Variants in ARL5B observed in about 807,000 individuals in gnomAD.
ARL5B encodes ADP-ribosylation factor-like protein 5B.
A neutral mutation model predicts 26.9 loss-of-function variants in ARL5B; 10 were observed. The ratio of observed to expected loss-of-function variants is 0.37; its 90% confidence interval spans 0.23 to 0.63. The LOEUF (loss-of-function observed/expected upper bound fraction) is 0.63, where lower values mean the gene tolerates loss of function less well. Ranked by LOEUF, ARL5B falls within the 30% of genes least tolerant of loss-of-function variation. The pLI is 0.62. For synonymous variants in ARL5B, 87 were observed against 70.4 expected (o/e 1.24, Z -1.18); for missense variants, 167 against 213.9 (o/e 0.78, Z 1.37).
intron 1 of ARL5B, among the ~76,000 whole-genome samples, chr10:18,663,076 T>C (rs932063155): frequency 2.6e-5 from 4 of 152,156 alleles, no homozygotes; most frequent in Admixed American, 2.6e-4. Flanking sequence ...TCCTGTGATC[T>C]CAGCTCACTG....
Position 18,675,157 on chromosome 10 carries a change from C to A in ARL5B, c.492-11C>A, listed in dbSNP as rs367580963. Reference sequence around the variant, plus strand: ...GGTTTTTAATTAAAAATACTTCTATCTTTTGTTTAGGTTATGCCAAGGTCT... The same window carrying A: ...GGTTTTTAATTAAAAATACTTCTATATTTTGTTTAGGTTATGCCAAGGTCT... On this transcript the variant is annotated splice_polypyrimidine_tract_variant and intron_variant, in intron 5 of 5. Coordinates refer to ENST00000377275, the MANE Select transcript of ARL5B (RefSeq NM_178815.5). The A allele has an allele frequency of 4.4e-5, 71 of 1,611,160 alleles. 1 individual carries two copies. In the South Asian group the frequency reaches 5.5e-4, roughly 12 times the overall value.
intron 4 of ARL5B, among the ~76,000 whole-genome samples, chr10:18,673,097 C>G (rs1483613182): frequency 6.6e-6 from 1 of 151,414 alleles, no homozygotes; most frequent in Non-Finnish European, 1.5e-5. Flanking sequence ...GAGTCTTGCT[C>G]TGTTGCCCAG....
At chr10:18,674,218 C>A in intron 5 of ARL5B, 83 bp downstream of exon 5, 2 of 1,299,320 alleles carry the variant, frequency 1.5e-6, no homozygotes, top group South Asian at 1.6e-5. Flanking sequence ...CTTCATGGGT[C>A]CTGTTCCTTT....
chr10:18,669,248 T>A (rs2059875912), intron 3 of ARL5B, among the ~76,000 whole-genome samples: 1 of 152,304 alleles, frequency 6.6e-6, no homozygotes, highest in East Asian at 1.9e-4. Context: ...GTTCTCTCCA[T>A]TCATCTTCAC....
rs1038704954 is a variant in ARL5B at position 18,675,312 on chromosome 10, T to C, written c.*96T>C. ...CTAAGGCAGCAGCATGTTTAATTTA[T>C]AACAACACAAACCTCTGAGAGCAAC... On this transcript the variant is annotated 3_prime_UTR_variant, in exon 6 of 6. Transcript: ENST00000377275. 7.4e-5 allele frequency: 91 copies of C among 1,229,606 alleles called. No homozygotes were observed. Among genetic ancestry groups the C allele is most frequent in the Non-Finnish European group, 9.8e-5 (82 of 836,122 alleles). The allele number at this position is 1,229,606 out of a possible 1,614,324, so 76.2% of individuals were successfully genotyped here.
chr10:18,673,835 T>C, intron 4 of ARL5B, 149 bp from the exon 5 acceptor site: 1 of 562,952 alleles, frequency 1.8e-6, no homozygotes, highest in Non-Finnish European at 2.7e-6. Flanking sequence ...TTGGAATGAA[T>C]AATGAAATTA....
At chr10:18,662,357 AT>A (rs1412084067) in intron 1 of ARL5B, among the ~76,000 whole-genome samples, 1 of 152,194 alleles carries the variant, frequency 6.6e-6, no homozygotes, top group East Asian at 1.9e-4. Flanking sequence ...CATGCGTCTT[AT>A]AAATTAGATA....
At chr10:18,667,137 G>A (rs983718934) in intron 2 of ARL5B, among the ~76,000 whole-genome samples, 3 of 152,182 alleles carry the variant, frequency 2.0e-5, no homozygotes, top group African/African-American at 7.2e-5. Context: ...AATTTTCACA[G>A]CTCATCATTC....
intron 1 of ARL5B, among the ~76,000 whole-genome samples, chr10:18,664,161 C>T (rs1488738207): frequency 1.3e-5 from 2 of 151,646 alleles, no homozygotes; most frequent in African/African-American, 4.8e-5. Flanking sequence ...ACCAAATTAG[C>T]CAGGTTGGTC....
At chr10:18,661,373 G>A (rs2059835747) in intron 1 of ARL5B, among the ~76,000 whole-genome samples, 1 of 152,116 alleles carries the variant, frequency 6.6e-6, no homozygotes, top group East Asian at 1.9e-4. Flanking sequence ...AAAGATGTAA[G>A]GGGAAAATGT....
chr10:18,674,331 A>T (rs1170039379), intron 5 of ARL5B, among the ~76,000 whole-genome samples, 196 bp downstream of exon 5: 1 of 152,230 alleles, frequency 6.6e-6, no homozygotes, highest in Non-Finnish European at 1.5e-5. Flanking sequence ...AAAACTTTTA[A>T]TGTAAATATA....
chr10:18,662,946 G>A (rs1024458729), intron 1 of ARL5B, among the ~76,000 whole-genome samples: 5 of 151,120 alleles, frequency 3.3e-5, no homozygotes, highest in Admixed American at 2.0e-4. Context: ...CAGGTAATCC[G>A]CCCGCCTTGG....
chr10:18,659,911 T>C lies in ARL5B; in HGVS notation c.46+228T>C, dbSNP rs552900282. ...AGAGAAGGTATTTGGCGTCCCAGAA[T>C]CCAAACTGAGAATGTTTGGATATTG... On this transcript the variant is annotated intron_variant, in intron 1 of 5. Transcript: ENST00000377275. 3,364 of 985,270 alleles carry C rather than the reference T, an allele frequency of 3.4e-3. 6 individuals are homozygous for C. The highest frequency in any genetic ancestry group is 5.2e-3 in the Middle Eastern group (10 of 1,914). The allele number at this position is 985,270 out of a possible 1,614,324, so 61.0% of individuals were successfully genotyped here.
chr10:18,669,932 T>C (rs2131643346), intron 3 of ARL5B, among the ~76,000 whole-genome samples: 1 of 149,656 alleles, frequency 6.7e-6, no homozygotes, highest in East Asian at 2.0e-4. Context: ...AGGCAGAGTT[T>C]GCAGTGAGCC....
At chr10:18,669,455 A>G (rs2059876850) in intron 3 of ARL5B, among the ~76,000 whole-genome samples, 2 of 152,192 alleles carry the variant, frequency 1.3e-5, no homozygotes, top group South Asian at 2.1e-4. Flanking sequence ...TAGATTTGCA[A>G]ATCATCTCTC....
chr10:18,672,867 C>A (rs2059893942), intron 4 of ARL5B, among the ~76,000 whole-genome samples, 162 bp downstream of exon 4: 1 of 151,966 alleles, frequency 6.6e-6, no homozygotes, highest in African/African-American at 2.4e-5. Flanking sequence ...AAAAAATGTT[C>A]ATTACTTTTT....
chr10:18,660,192 C>T (rs949389790), intron 1 of ARL5B, among the ~76,000 whole-genome samples: 1 of 152,096 alleles, frequency 6.6e-6, no homozygotes, highest in African/African-American at 2.4e-5. Context: ...TATTCAGATG[C>T]ACGAGTTTTC....
rs909971426 is a variant in ARL5B, at chr10:18,679,217, G to A, written c.*4001G>A. ...AAGCCATATTGCTAAGAAAAGGATAGTAAGCTGCTTAGAAAGAACCAGCCT... is the reference window on the plus strand; with the variant it reads ...AAGCCATATTGCTAAGAAAAGGATAATAAGCTGCTTAGAAAGAACCAGCCT... On this transcript the variant is annotated 3_prime_UTR_variant, in exon 6 of 6. Coordinates refer to ENST00000377275, the MANE Select transcript of ARL5B (RefSeq NM_178815.5). The A allele has an allele frequency of 5.3e-5, 8 of 151,882 alleles. 1 individual carries two copies. Among genetic ancestry groups the A allele is most frequent in the Admixed American group, 4.6e-4 (7 of 15,246 alleles). The allele number at this position is 151,882 out of a possible 1,614,324, so 9.4% of individuals were successfully genotyped here.
Position 18,668,613 on chromosome 10 carries a change from T to C in ARL5B, c.191T>C (p.Met64Thr), listed in dbSNP as rs2059872257. ...EIVVKNTHFLMWDIGGQESLR... is the reference protein window; with the variant it reads ...EIVVKNTHFLTWDIGGQESLR... Reference sequence around the variant, plus strand: ...GTTGTGAAGAACACTCATTTTCTTATGTGGGATATTGGTGGTCAGGAGTCT... The same window carrying C: ...GTTGTGAAGAACACTCATTTTCTTACGTGGGATATTGGTGGTCAGGAGTCT... The change falls in exon 3 of 6, where the codon ATG becomes ACG. Residue 64 changes from methionine to threonine, a missense_variant. Transcript: ENST00000377275. 1.2e-6 allele frequency: 2 copies of C among 1,614,168 alleles called. No individual in the cohort carries two copies. The highest frequency in any genetic ancestry group is 1.7e-6 in the Non-Finnish European group (2 of 1,180,008).
Sources: gnomAD v4.1 joint callset for allele counts (sites outside exome capture counted in the v4.1 genomes callset) on GRCh38, gnomAD v4.1.1 for gene constraint, MANE v1.5 for transcripts, NCBI Gene and HGNC (gene_info 2026-07-23, HGNC 2026-07-21) for gene names.